The following XKR4 variants were observed in gnomAD, a reference collection of about 807,000 sequenced individuals.
The protein encoded by XKR4 is XK-related protein 4.
Under a neutral mutation model 53.9 loss-of-function variants are expected in XKR4, and 12 were observed. The observed-to-expected ratio is 0.22, with a 90% confidence interval of 0.14 to 0.36. The LOEUF is 0.36. XKR4 is among the 10% of genes least tolerant of loss of function. The pLI is 1.00. For missense variants in XKR4, 799 were observed against 859.5 expected, an observed-to-expected ratio of 0.93 and a Z score of 0.88; for synonymous variants, 354 against 362.4, an observed-to-expected ratio of 0.98 and a Z score of 0.26.
intron 2 of XKR4, among the ~76,000 whole-genome samples, chr8:55,430,005 G>A (rs920569268): frequency 1.5e-4 from 23 of 152,214 alleles, no homozygotes; most frequent in African/African-American, 5.3e-4. Context: ...TCACCAAAGA[G>A]GATATATAGA....
intron 1 of XKR4, 111 bp downstream of exon 1, chr8:55,103,405 ACT>A (rs748403408): frequency 3.1e-5 from 45 of 1,449,184 alleles, no homozygotes; most frequent in Non-Finnish European, 3.9e-5. Context: ...CCCTAGTCAC[ACT>A]CTTCCAGTTT....
At position 55,104,018 on chromosome 8, in the gene XKR4, G is replaced by A. The variant is rs2129350248; in HGVS notation, c.806+724G>A. On this transcript the variant is annotated intron_variant, in intron 1 of 2. Transcript: ENST00000327381. Reference sequence around the variant, plus strand: ...AATTACAAGCCTTTGGAAAAGGGGTGGGGCACCATGTTAACTTTAGTTGTA... The same window carrying A: ...AATTACAAGCCTTTGGAAAAGGGGTAGGGCACCATGTTAACTTTAGTTGTA... Among the ~76,000 whole-genome samples, 3 of 151,866 alleles carry A rather than the reference G, an allele frequency of 2.0e-5. No individual in the cohort carries two copies. In the South Asian group the frequency reaches 6.3e-4, roughly 32 times the overall value.
intron 1 of XKR4, among the ~76,000 whole-genome samples, chr8:55,224,649 T>C (rs67176612): frequency 0.15 from 23,281 of 152,170 alleles, 2,157 homozygotes; most frequent in Non-Finnish European, 0.21. Context: ...AATGAAGTAC[T>C]GGGTTAAACA....
rs113761777 is a variant in XKR4 at position 55,481,724 on chromosome 8, A to T, written c.1007-41557A>T. On this transcript the variant is annotated intron_variant, in intron 2 of 2. Transcript: ENST00000327381. ...GAAAAAAACAAACAACCCCATCAAAAAGTGGGCAAAGGATATGAACACACA... is the reference window on the plus strand; with the variant it reads ...GAAAAAAACAAACAACCCCATCAAATAGTGGGCAAAGGATATGAACACACA... Among the ~76,000 whole-genome samples, 437 of 152,298 alleles carry T rather than the reference A, an allele frequency of 2.9e-3. 2 individuals are homozygous for T. The highest frequency in any genetic ancestry group is 9.9e-3 in the African/African-American group (413 of 41,550).
chr8:55,316,934 TATATCGGATG>T (rs1819485959), intron 1 of XKR4, among the ~76,000 whole-genome samples: 8 of 152,104 alleles, frequency 5.3e-5, no homozygotes, highest in African/African-American at 1.9e-4. Context: ...ATAACAGAAG[TATATCGGATG>T]TTAAAGGGAC....
At chr8:55,337,327 T>C (rs2129381592) in intron 1 of XKR4, among the ~76,000 whole-genome samples, 1 of 152,326 alleles carries the variant, frequency 6.6e-6, no homozygotes, top group East Asian at 1.9e-4. Context: ...GGGGTTTTGT[T>C]TGTTTGTTTT....
At chr8:55,429,387 A>G (rs1421636896) in intron 2 of XKR4, among the ~76,000 whole-genome samples, 1 of 152,116 alleles carries the variant, frequency 6.6e-6, no homozygotes, top group East Asian at 1.9e-4. Context: ...TTCATAGCAA[A>G]AGCAAGGTTG....
intron 1 of XKR4, among the ~76,000 whole-genome samples, chr8:55,328,591 A>T (rs142277025): frequency 1.3e-5 from 2 of 152,084 alleles, no homozygotes; most frequent in African/African-American, 2.4e-5. Context: ...CTGCAATCCA[A>T]TCTCCTCAGA....
intron 1 of XKR4, among the ~76,000 whole-genome samples, chr8:55,280,181 A>G (rs1278021793): frequency 6.6e-6 from 1 of 152,174 alleles, no homozygotes; most frequent in African/African-American, 2.4e-5. Context: ...TCCCTGACCA[A>G]ACGTTGTGTT....
chr8:55,372,719 A>T (rs531178345), intron 2 of XKR4, among the ~76,000 whole-genome samples: 4 of 152,176 alleles, frequency 2.6e-5, no homozygotes, highest in Non-Finnish European at 5.9e-5. Flanking sequence ...TTTATTCAGC[A>T]GATTGCTATT....
rs114059606 is a variant in XKR4 at position 55,471,466 on chromosome 8, G to A, written c.1007-51815G>A. Among the ~76,000 whole-genome samples the A allele has an allele frequency of 6.0e-3, 908 of 152,176 alleles. 15 individuals carry two copies. The highest frequency in any genetic ancestry group is 0.02 in the African/African-American group (845 of 41,456). ...GCAGAATCTGAAACTCGGAGTTGGGGCCCGGCCATCTGTGTTGTACCAAGC... is the reference window on the plus strand; with the variant it reads ...GCAGAATCTGAAACTCGGAGTTGGGACCCGGCCATCTGTGTTGTACCAAGC... On this transcript the variant is annotated intron_variant, in intron 2 of 2. Transcript: ENST00000327381.
intron 1 of XKR4, among the ~76,000 whole-genome samples, chr8:55,323,151 T>C (rs563240859): frequency 7.9e-5 from 12 of 152,342 alleles, no homozygotes; most frequent in African/African-American, 2.4e-4. Context: ...TTTATTGAGA[T>C]GAGTATATAA....
chr8:55,287,173 T>TAA (rs59979985), intron 1 of XKR4, among the ~76,000 whole-genome samples: 1 of 150,340 alleles, frequency 6.7e-6, no homozygotes, highest in Non-Finnish European at 1.5e-5. Context: ...AAATTTAAAT[T>TAA]AAAAAAAATA....
intron 1 of XKR4, among the ~76,000 whole-genome samples, chr8:55,335,883 T>A (rs1210085906): frequency 6.6e-6 from 1 of 151,980 alleles, no homozygotes; most frequent in Non-Finnish European, 1.5e-5. Context: ...AGTGTAGTGA[T>A]GGAAAACAGA....
In XKR4 at chr8:55,198,611, A is replaced by T. The variant is rs964984233; in HGVS notation, c.806+95317A>T. On this transcript the variant is annotated intron_variant, in intron 1 of 2. Coordinates refer to ENST00000327381, the MANE Select transcript of XKR4 (RefSeq NM_052898.2). ...ATTCTTACTTTTGGATACACTTGTC[A>T]TCAGTTAGAAAATTATAGTAAAATA... Among the ~76,000 whole-genome samples, 2 of 152,138 alleles carry T rather than the reference A, an allele frequency of 1.3e-5. 1 individual carries two copies. Among genetic ancestry groups the T allele is most frequent in the South Asian group, 4.1e-4 (2 of 4,832 alleles).
intron 1 of XKR4, chr8:55,164,255 C>G (rs1423296324): frequency 2.2e-6 from 1 of 456,492 alleles, no homozygotes; most frequent in Non-Finnish European, 4.4e-6. Context: ...TCTCCTCTTT[C>G]TCTGTCTCTC....
At chr8:55,297,059 A>G (rs1033049193) in intron 1 of XKR4, among the ~76,000 whole-genome samples, 3 of 152,022 alleles carry the variant, frequency 2.0e-5, no homozygotes, top group African/African-American at 7.3e-5. Flanking sequence ...AACACATTTC[A>G]AAAGCCTATT....
intron 1 of XKR4, among the ~76,000 whole-genome samples, chr8:55,329,854 G>A (rs998595660): frequency 1.3e-5 from 2 of 152,110 alleles, no homozygotes; most frequent in Non-Finnish European, 2.9e-5. Context: ...AGTACATGAG[G>A]CAGCATGATG....
Position 55,523,900 on chromosome 8 carries a change from C to T in XKR4, c.1626C>T (p.Ala542=). 1 of 1,614,212 alleles carries T rather than the reference C, an allele frequency of 6.2e-7. No individual in the cohort carries two copies. Among genetic ancestry groups the T allele is most frequent in the Non-Finnish European group, 8.5e-7 (1 of 1,180,032 alleles). Residue 542 remains alanine (A), a synonymous_variant, in exon 3 of 3, where the codon GCC becomes GCT. Transcript: ENST00000327381. The part of the protein sequence containing the change: ...AAAFTLPPDV[A]TSTLRSISNN... Reference sequence around the variant, plus strand: ...CCTTCACTTTGCCCCCAGACGTGGCCACAAGCACCCTACGGTCCATCTCCA... The same window carrying T: ...CCTTCACTTTGCCCCCAGACGTGGCTACAAGCACCCTACGGTCCATCTCCA...
Sources: gnomAD v4.1 joint callset for allele counts (sites outside exome capture counted in the v4.1 genomes callset) on GRCh38, gnomAD v4.1.1 for gene constraint, MANE v1.5 for transcripts, NCBI Gene and HGNC (gene_info 2026-07-23, HGNC 2026-07-21) for gene names.